The following PTPN2 variants were observed in gnomAD, a reference collection of about 807,000 sequenced individuals.
The protein encoded by PTPN2 is tyrosine-protein phosphatase non-receptor type 2.
A neutral mutation model predicts 57.3 loss-of-function variants in PTPN2; 19 were observed. The observed-to-expected ratio is 0.33, with a 90% confidence interval of 0.23 to 0.49. The LOEUF (loss-of-function observed/expected upper bound fraction) is 0.49. PTPN2 is among the 20% of genes least tolerant of loss of function. PTPN2 has a pLI of 0.99. For missense variants in PTPN2, 358 were observed against 501.1 expected (o/e 0.71, Z 2.73); for synonymous variants, 153 against 164.9 (o/e 0.93, Z 0.55).
At position 12,815,932 on chromosome 18, in the gene PTPN2, A is replaced by G. The variant is rs146317052; in HGVS notation, c.705+1224T>C. ...TGGTGGAAAGCATAAGAATGCTGAC[A>G]TAACTGCAATGAAGCATAGCTACGT... is the stretch of plus-strand genomic sequence containing the variant. On this transcript the variant is annotated intron_variant, in intron 6 of 8. Coordinates refer to ENST00000309660, the MANE Select transcript of PTPN2 (RefSeq NM_002828.4). Among the ~76,000 whole-genome samples, 8 of 152,364 alleles carry G rather than the reference A, an allele frequency of 5.3e-5. No homozygotes were observed. The East Asian group carries it at 1.3e-3, about 26-fold the overall frequency.
chr18:12,824,964 T>C (rs1427521794), intron 5 of PTPN2, among the ~76,000 whole-genome samples: 3 of 152,152 alleles, frequency 2.0e-5, no homozygotes, highest in African/African-American at 7.2e-5. Flanking sequence ...CTCATGCCTG[T>C]AATCCCAGAT....
intron 2 of PTPN2, among the ~76,000 whole-genome samples, chr18:12,853,111 T>C (rs777399457): frequency 2.0e-5 from 3 of 152,250 alleles, no homozygotes; most frequent in Non-Finnish European, 4.4e-5. Context: ...AAATGTTTTC[T>C]GAACCAAATC....
intron 1 of PTPN2, among the ~76,000 whole-genome samples, chr18:12,879,419 T>C (rs2044596247): frequency 6.6e-6 from 1 of 152,228 alleles, no homozygotes. Flanking sequence ...CCTCTCTCTT[T>C]AGGTTCATCC....
At chr18:12,824,638 A>G (rs939919617) in intron 5 of PTPN2, among the ~76,000 whole-genome samples, 12 of 152,148 alleles carry the variant, frequency 7.9e-5, no homozygotes, top group Admixed American at 5.2e-4. Flanking sequence ...TTTCTAGTTT[A>G]TTCTATTACA....
At chr18:12,812,469 G>C (rs2041923913) in intron 7 of PTPN2, among the ~76,000 whole-genome samples, 1 of 152,028 alleles carries the variant, frequency 6.6e-6, no homozygotes. Flanking sequence ...AGTGGTGGCA[G>C]GCACCTGTAA....
chr18:12,807,468 A>G (rs1300749250), intron 7 of PTPN2, among the ~76,000 whole-genome samples: 1 of 150,324 alleles, frequency 6.7e-6, no homozygotes, highest in South Asian at 2.1e-4. Flanking sequence ...TTTCAAAGGC[A>G]TATCGGCACT....
rs547133496 is a variant in PTPN2 at position 12,828,359 on chromosome 18, C to A, written c.361-2415G>T. ...GCTTGCTTGTAGAACTAAGAGTCTA[C>A]AAGAGATGTAAGGGAGAGACTACAG... On this transcript the variant is annotated intron_variant, in intron 4 of 8. Transcript: ENST00000309660. 5.8e-4 allele frequency among the ~76,000 whole-genome samples: 88 copies of A among 152,174 alleles called. 1 individual carries two copies. Among genetic ancestry groups the A allele is most frequent in the South Asian group, 1.0e-3 (5 of 4,816 alleles).
At chr18:12,855,001 A>C (rs1213687166) in intron 2 of PTPN2, among the ~76,000 whole-genome samples, 5 of 152,186 alleles carry the variant, frequency 3.3e-5, no homozygotes, top group African/African-American at 4.8e-5. Context: ...AATTACAAAA[A>C]TTAGCCAGGC....
Position 12,860,473 on chromosome 18 carries a change from T to C in PTPN2, c.70-1219A>G, listed in dbSNP as rs982506669. Among the ~76,000 whole-genome samples, 75 of 152,080 alleles carry C rather than the reference T, an allele frequency of 4.9e-4. 1 individual carries two copies. The highest frequency in any genetic ancestry group is 1.2e-4 in the Non-Finnish European group (8 of 68,018). ...TTAGCCAGGCGCGATGGCAGGCACC[T>C]GTAATCCCAGCTACTCGGGAGGCTG... On this transcript the variant is annotated intron_variant, in intron 1 of 8. Coordinates refer to ENST00000309660, the MANE Select transcript of PTPN2 (RefSeq NM_002828.4).
chr18:12,882,618 G>A (rs995423415), intron 1 of PTPN2, among the ~76,000 whole-genome samples: 11 of 152,208 alleles, frequency 7.2e-5, no homozygotes, highest in Non-Finnish European at 2.9e-5. Context: ...TCTCTCACAT[G>A]AAGATTCCTA....
At chr18:12,798,318 T>G (rs2041271189) in intron 8 of PTPN2, among the ~76,000 whole-genome samples, 1 of 152,174 alleles carries the variant, frequency 6.6e-6, no homozygotes, top group Admixed American at 6.5e-5. Flanking sequence ...CTCCGTGACA[T>G]GTACAACAAG....
downstream of PTPN2, among the ~76,000 whole-genome samples, chr18:12,790,331 T>A (rs868247935): frequency 3.4e-4 from 52 of 152,218 alleles, no homozygotes; most frequent in African/African-American, 1.2e-3. Flanking sequence ...GTACTCATTA[T>A]GGTATACAAT....
Position 12,876,121 on chromosome 18 carries a change from T to TG in PTPN2, c.69+7951dup, listed in dbSNP as rs562194041. ...GTGATCTCATCACTGCACTCCAGTC[T>TG]GGGTGACAGAGTGAGACCCTGTCTC... On this transcript the variant is annotated intron_variant, in intron 1 of 8. Coordinates refer to ENST00000309660, the MANE Select transcript of PTPN2 (RefSeq NM_002828.4). Among the ~76,000 whole-genome samples, 717 of 152,164 alleles carry TG rather than the reference T, an allele frequency of 4.7e-3. 1 individual carries two copies. Among genetic ancestry groups the TG allele is most frequent in the Non-Finnish European group, 7.1e-3 (482 of 68,018 alleles).
intron 9 of PTPN2, chr18:12,786,028 T>C (rs1016083205): frequency 1.7e-6 from 1 of 574,666 alleles, no homozygotes; most frequent in Non-Finnish European, 3.0e-6. Context: ...ACGGCTGGGG[T>C]GCTGGATTTC....
intron 4 of PTPN2, among the ~76,000 whole-genome samples, chr18:12,828,336 T>C (rs373908447): frequency 6.6e-6 from 1 of 152,184 alleles, no homozygotes; most frequent in Non-Finnish European, 1.5e-5. Context: ...TAAATAATGC[T>C]TGCTTGTAGA....
chr18:12,865,238 G>C (rs912862275), intron 1 of PTPN2, among the ~76,000 whole-genome samples: 1 of 151,892 alleles, frequency 6.6e-6, no homozygotes, highest in Non-Finnish European at 1.5e-5. Context: ...CTTGAGACCA[G>C]TCTGGGCAAC....
chr18:12,855,503 AAAGT>A (rs2043556801), intron 2 of PTPN2, among the ~76,000 whole-genome samples: 1 of 152,156 alleles, frequency 6.6e-6, no homozygotes, highest in Non-Finnish European at 1.5e-5. Context: ...GGGGCAAAAG[AAAGT>A]GAGTTTCCAG....
intron 1 of PTPN2, among the ~76,000 whole-genome samples, chr18:12,874,473 G>A (rs1400944509): frequency 2.3e-5 from 3 of 132,558 alleles, no homozygotes; most frequent in Non-Finnish European, 4.8e-5. Flanking sequence ...CTGCCCGGCC[G>A]CCCCTACTGG....
chr18:12,849,644 T>C (rs1178766535), intron 2 of PTPN2, among the ~76,000 whole-genome samples: 1 of 152,222 alleles, frequency 6.6e-6, no homozygotes, highest in Non-Finnish European at 1.5e-5. Flanking sequence ...GTGAACATAA[T>C]GTATTATCTT....
Sources: gnomAD v4.1 joint callset for allele counts (sites outside exome capture counted in the v4.1 genomes callset) on GRCh38, gnomAD v4.1.1 for gene constraint, MANE v1.5 for transcripts, NCBI Gene and HGNC (gene_info 2026-07-23, HGNC 2026-07-21) for gene names.